SMYD3: variants seen among roughly 807,000 people sequenced by gnomAD.
SMYD3 encodes the protein histone-lysine N-methyltransferase SMYD3.
In SMYD3, 36 loss-of-function variants were observed where a neutral mutation model predicts 57.7. The ratio of observed to expected loss-of-function variants is 0.62; its 90% CI spans 0.48 to 0.82. The LOEUF (loss-of-function observed/expected upper bound fraction) is 0.82, where lower values mean the gene tolerates loss of function less well. SMYD3 is among the 40% of genes least tolerant of loss of function. The pLI, the probability that SMYD3 is intolerant of heterozygous loss-of-function variation, is 0.00. For missense variants in SMYD3, 515 were observed against 538.8 expected, an observed-to-expected ratio of 0.96 and a Z score of 0.44; for synonymous variants, 211 against 195.0, an observed-to-expected ratio of 1.08 and a Z score of -0.68.
intron 5 of SMYD3, among the ~76,000 whole-genome samples, chr1:245,946,420 A>C (rs1313429551): frequency 6.6e-6 from 1 of 152,184 alleles, no homozygotes; most frequent in African/African-American, 2.4e-5. Flanking sequence ...TGTCCATGAG[A>C]GGAACATCTG....
At position 245,844,409 on chromosome 1, in the gene SMYD3, T is replaced by C. The variant is rs185232920; in HGVS notation, c.1076+14087A>G. Among the ~76,000 whole-genome samples the C allele has an allele frequency of 2.1e-4, 32 of 152,054 alleles. 1 individual carries two copies. The South Asian group carries it at 2.7e-3, about 13-fold the overall frequency. ...CTGTTCTCTCTGGACCCCCCAGATA[T>C]ATGTTATGATTTTTATGTTGTATGA... On this transcript the variant is annotated intron_variant, in intron 10 of 11. Coordinates refer to ENST00000490107, the MANE Select transcript of SMYD3 (RefSeq NM_001167740.2).
intron 5 of SMYD3, among the ~76,000 whole-genome samples, chr1:246,151,192 G>C (rs2061935966): frequency 6.6e-6 from 1 of 150,994 alleles, no homozygotes; most frequent in Non-Finnish European, 1.5e-5. Context: ...GTTGCAGTGA[G>C]CCAAGACCGT....
chr1:245,935,457 A>G (rs1264815780), intron 5 of SMYD3, among the ~76,000 whole-genome samples: 1 of 152,226 alleles, frequency 6.6e-6, no homozygotes, highest in Non-Finnish European at 1.5e-5. Context: ...TGGAGTCTAC[A>G]TTAGTCCAGC....
In SMYD3 at chr1:245,802,302, T is replaced by A. The variant is rs533935142; in HGVS notation, c.1077-38153A>T. Among the ~76,000 whole-genome samples, 107 of 152,318 alleles carry A rather than the reference T, an allele frequency of 7.0e-4. 1 individual carries two copies. Among genetic ancestry groups the A allele is most frequent in the African/African-American group, 2.3e-3 (94 of 41,578 alleles). ...CAAGCTCAGCAGGAGACAACTGCTG[T>A]GAAGCCATTGAAGTCTTCACCTCAA... is the stretch of plus-strand genomic sequence containing the variant. On this transcript the variant is annotated intron_variant, in intron 10 of 11. Transcript: ENST00000490107.
chr1:246,320,427 T>A (rs2148649469), intron 5 of SMYD3, among the ~76,000 whole-genome samples: 1 of 152,326 alleles, frequency 6.6e-6, no homozygotes, highest in African/African-American at 2.4e-5. Context: ...CAAACAGATG[T>A]GGAATTTCTA....
chr1:246,311,738 C>T (rs1166450127), intron 5 of SMYD3, among the ~76,000 whole-genome samples: 1 of 152,236 alleles, frequency 6.6e-6, no homozygotes, highest in Non-Finnish European at 1.5e-5. Context: ...GACCCTCCTT[C>T]GTGTATATGA....
intron 5 of SMYD3, among the ~76,000 whole-genome samples, chr1:245,982,552 C>T (rs74644119): frequency 0.015 from 2,300 of 152,296 alleles, 48 homozygotes; most frequent in African/African-American, 0.047. Flanking sequence ...AGGCTAAATA[C>T]TTCCATCAAA....
At chr1:246,153,281 A>T (rs546380258) in intron 5 of SMYD3, among the ~76,000 whole-genome samples, 26 of 152,046 alleles carry the variant, frequency 1.7e-4, no homozygotes, top group African/African-American at 6.3e-4. Context: ...TCCTACACAG[A>T]CCATCCATTC....
chr1:245,836,234 C>G (rs570098078), intron 10 of SMYD3, among the ~76,000 whole-genome samples: 1 of 152,162 alleles, frequency 6.6e-6, no homozygotes, highest in Non-Finnish European at 1.5e-5. Context: ...GAAAATGAAG[C>G]CAGTGCTATG....
chr1:246,242,006 G>A (rs1309701049), intron 5 of SMYD3, among the ~76,000 whole-genome samples: 1 of 152,010 alleles, frequency 6.6e-6, no homozygotes, highest in African/African-American at 2.4e-5. Flanking sequence ...CTTGCTAGCG[G>A]TCTATCAATT....
At chr1:246,375,303 G>A (rs2066257112) in intron 1 of SMYD3, among the ~76,000 whole-genome samples, 1 of 124,908 alleles carries the variant, frequency 8.0e-6, no homozygotes, top group Admixed American at 8.8e-5. Context: ...TAATAAAAAT[G>A]AACTACATTT....
chr1:245,849,293 AAG>A, intron 10 of SMYD3, among the ~76,000 whole-genome samples: 1 of 152,198 alleles, frequency 6.6e-6, no homozygotes, highest in Non-Finnish European at 1.5e-5. Context: ...TGAGTGTTAA[AAG>A]AGGGGATTGG....
At chr1:246,030,866 C>T (rs1458049302) in intron 5 of SMYD3, among the ~76,000 whole-genome samples, 2 of 152,110 alleles carry the variant, frequency 1.3e-5, no homozygotes, top group African/African-American at 2.4e-5. Flanking sequence ...GGAACGCTTA[C>T]ATCAAACAAT....
At chr1:246,383,020 C>T (rs908227137) in intron 1 of SMYD3, among the ~76,000 whole-genome samples, 4 of 152,052 alleles carry the variant, frequency 2.6e-5, no homozygotes, top group Non-Finnish European at 5.9e-5. Context: ...GGGGTCTAGT[C>T]CTTCAAACCC....
intron 1 of SMYD3, among the ~76,000 whole-genome samples, chr1:246,441,939 C>T (rs1158577448): frequency 2.6e-5 from 4 of 152,176 alleles, no homozygotes; most frequent in Non-Finnish European, 4.4e-5. Flanking sequence ...CTTTGATGTT[C>T]ATGTATCTAT....
chr1:246,309,000 G>A (rs997124916), intron 5 of SMYD3, among the ~76,000 whole-genome samples: 3 of 151,978 alleles, frequency 2.0e-5, no homozygotes, highest in African/African-American at 7.3e-5. Flanking sequence ...AATTACTTAT[G>A]TGCCTAAGAT....
At chr1:245,955,122 C>T (rs1012607290) in intron 5 of SMYD3, among the ~76,000 whole-genome samples, 3 of 152,118 alleles carry the variant, frequency 2.0e-5, no homozygotes, top group East Asian at 1.9e-4. Context: ...GTTTGAGTCT[C>T]GCTCTGTCGC....
At position 246,350,421 on chromosome 1, in the gene SMYD3, A is replaced by G. The variant is rs147665963; in HGVS notation, c.228+4610T>C. Among the ~76,000 whole-genome samples the G allele has an allele frequency of 3.1e-3, 478 of 152,334 alleles. 2 individuals carry two copies. The highest frequency in any genetic ancestry group is 0.011 in the African/African-American group (459 of 41,570). On this transcript the variant is annotated intron_variant, in intron 2 of 11. Transcript: ENST00000490107. ...GTAGTTAACAATGCAGCTAATCCAG[A>G]AAAGAGACCATGGTAACAGGTAGTA... is the stretch of plus-strand genomic sequence containing the variant.
At chr1:246,356,815 GAAT>G (rs965670575) in intron 1 of SMYD3, among the ~76,000 whole-genome samples, 9 of 152,248 alleles carry the variant, frequency 5.9e-5, no homozygotes, top group African/African-American at 2.2e-4. Context: ...GCAAATCTAA[GAAT>G]AATTGGTGTT....
Sources: allele counts gnomAD v4.1 joint callset (sites outside exome capture counted in the v4.1 genomes callset), GRCh38; gene constraint gnomAD v4.1.1; transcripts MANE v1.5; gene names NCBI Gene and HGNC (gene_info 2026-07-23, HGNC 2026-07-21).